Variants in ITGA6 observed in about 807,000 individuals in gnomAD.
ITGA6 encodes integrin alpha-6.
A neutral mutation model predicts 133.6 loss-of-function variants in ITGA6; 63 were observed. The ratio of observed to expected loss-of-function variants is 0.47; its 90% CI spans 0.38 to 0.58. The LOEUF is 0.58. Among genes scored for constraint, ITGA6 ranks in the 20% least tolerant of loss-of-function variants. ITGA6 has a pLI of 0.00. For missense variants in ITGA6, 1,068 were observed against 1,309.4 expected, an observed-to-expected ratio of 0.82 and a Z score of 2.85; for synonymous variants, 434 against 482.0, an observed-to-expected ratio of 0.90 and a Z score of 1.30.
chr2:172,483,756 C>T (rs1258538253), intron 11 of ITGA6, among the ~76,000 whole-genome samples: 4 of 152,106 alleles, frequency 2.6e-5, no homozygotes, highest in East Asian at 1.9e-4. Context: ...TTATGCTGAC[C>T]GACAGGCCCT....
Position 172,488,485 on chromosome 2 carries a change from A to G in ITGA6, c.2505+257A>G, listed in dbSNP as rs141434667. 4.1e-3 allele frequency among the ~76,000 whole-genome samples: 622 copies of G among 152,304 alleles called. 8 individuals are homozygous for G. The South Asian group carries it at 0.052, about 13-fold the overall frequency. ...GTTATGATTTATTCCTTCCTCCTTT[A>G]TAAGGTCATCTTTCTCACTGCTTGT... On this transcript the variant is annotated intron_variant, in intron 19 of 25. Coordinates refer to ENST00000684293, the MANE Select transcript of ITGA6 (RefSeq NM_000210.4).
At position 172,427,653 on chromosome 2, in the gene ITGA6, C is replaced by T; in HGVS notation, c.-136C>T. The stretch of plus-strand genomic sequence containing the variant: ...CGGCCGGACGGAGAGCGCGACCCGT[C>T]CCGGGGGTGGGGCCGGGCGCAGCGG... On this transcript the variant is annotated 5_prime_UTR_variant, in exon 1 of 26. Coordinates refer to ENST00000684293, the MANE Select transcript of ITGA6 (RefSeq NM_000210.4). 7.6e-7 allele frequency: 1 copy of T among 1,314,106 alleles called. No homozygotes were observed. Among genetic ancestry groups the T allele is most frequent in the Non-Finnish European group, 9.7e-7 (1 of 1,034,672 alleles). The allele number at this position is 1,314,106 out of a possible 1,614,324, so 81.4% of individuals were successfully genotyped here.
rs374953548 is a variant in ITGA6 at position 172,498,056 on chromosome 2, G to T, written c.3070G>T (p.Ala1024Ser). 6.2e-7 allele frequency: 1 copy of T among 1,613,272 alleles called. No individual in the cohort carries two copies. The highest frequency in any genetic ancestry group is 8.5e-7 in the Non-Finnish European group (1 of 1,179,338). The change falls in exon 24 of 26, where the codon GCT (alanine) becomes TCT (serine). Residue 1024 changes from alanine to serine, a missense_variant. Ala to Ser is a moderately conservative substitution (Grantham distance 99). Coordinates refer to ENST00000684293, the MANE Select transcript of ITGA6 (RefSeq NM_000210.4). ...PWWIILVAIL[A>S]GILMLALLVF... ...GTGGATCATCCTAGTGGCTATTCTC[G>T]CTGGGATCTTGATGCTTGCTTTATT...
intron 1 of ITGA6, chr2:172,465,242 G>GA (rs756682329): frequency 1.3e-5 from 6 of 467,852 alleles, no homozygotes; most frequent in African/African-American, 2.0e-5. Flanking sequence ...ATTCTTTGAA[G>GA]AGGGTGTCTT....
rs377301431 is a variant in ITGA6 at position 172,475,278 on chromosome 2, A to T, written c.1180+156A>T. ...AGGTCGGGAGTTCGAGACCAGCCTG[A>T]CCAACATGGAGAAACTAAAAATACA... is the stretch of plus-strand genomic sequence containing the variant. On this transcript the variant is annotated intron_variant, in intron 7 of 25. Transcript: ENST00000684293. Among the ~76,000 whole-genome samples, 205 of 152,182 alleles carry T rather than the reference A, an allele frequency of 1.3e-3. No homozygotes were observed. In the South Asian group the frequency reaches 0.017, roughly 13 times the overall value.
At chr2:172,460,157 A>G (rs1685373608) in intron 1 of ITGA6, among the ~76,000 whole-genome samples, 1 of 152,258 alleles carries the variant, frequency 6.6e-6, no homozygotes, top group Non-Finnish European at 1.5e-5. Context: ...GGAAAATCAG[A>G]ATACAGTTTG....
chr2:172,476,249 A>ACT lies in ITGA6; in HGVS notation c.1270-146_1270-145insCT, dbSNP rs55762116. 4,228 of 668,838 alleles carry ACT rather than the reference A, an allele frequency of 6.3e-3. 112 individuals are homozygous for ACT. In the African/African-American group the frequency reaches 0.068, roughly 11 times the overall value. The allele number at this position is 668,838 out of a possible 1,614,324, so 41.4% of individuals were successfully genotyped here. A position where few individuals can be genotyped will look rare whatever the true frequency, so the allele number is the denominator to read the frequency against. On this transcript the variant is annotated intron_variant, in intron 8 of 25. Transcript: ENST00000684293. ...TGTATGAAGTGTTAGATCATATAGA[A>ACT]ATTTATGACTTGTATATAATATAAT...
In ITGA6 at chr2:172,472,693, G is replaced by A. The variant is rs554035325; in HGVS notation, c.776-1362G>A. The A allele has an allele frequency of 1.0e-5, 9 of 882,320 alleles. No homozygotes were observed. In the East Asian group the frequency reaches 1.5e-4, roughly 14 times the overall value. 54.7% of individuals were successfully genotyped at this position (882,320 alleles called of 1,614,324 possible). A position where few individuals can be genotyped will look rare whatever the true frequency, so the allele number is the denominator to read the frequency against. On this transcript the variant is annotated intron_variant, in intron 5 of 25. Transcript: ENST00000684293. ...TGCAGTGGTGGCCTCCTCATCCAGC[G>A]AGAACAGCAGTGGCTGTCCTGCCTC...
chr2:172,427,702 G>C lies in ITGA6; in HGVS notation c.-87G>C, dbSNP rs1009299930. 7.3e-7 allele frequency: 1 copy of C among 1,378,306 alleles called. No individual in the cohort carries two copies. The highest frequency in any genetic ancestry group is 3.1e-5 in the East Asian group (1 of 32,100). 85.4% of individuals were successfully genotyped at this position (1,378,306 alleles called of 1,614,324 possible). ...GGCGAGAGGAGGCGAAGGTGGCTGC[G>C]GTAGCAGCAGCGCGGCAGCCTCGGA... On this transcript the variant is annotated 5_prime_UTR_variant, in exon 1 of 26. Coordinates refer to ENST00000684293, the MANE Select transcript of ITGA6 (RefSeq NM_000210.4).
At chr2:172,433,925 T>C (rs983900013) in intron 1 of ITGA6, among the ~76,000 whole-genome samples, 3 of 152,080 alleles carry the variant, frequency 2.0e-5, no homozygotes, top group Admixed American at 1.3e-4. Context: ...GTGAGCTGGA[T>C]ACCCATGGAG....
In ITGA6 at chr2:172,491,301, C is replaced by T. The variant is rs1235722501; in HGVS notation, c.2859C>T (p.Arg953=). Residue 953 remains arginine (R), a synonymous_variant, in exon 22 of 26, where the codon CGC becomes CGT. Transcript: ENST00000684293. The surrounding 1 kb of genome is among the most constrained non-coding windows in gnomAD (Gnocchi z 4.4). ...GLDSKASLIL[R]SRLWNSTFLE... is the part of the protein sequence containing the mutation. ...ACAGCAAGGCGTCTCTTATTTTGCG[C>T]TCGAGGTTATGGAACAGCACATTTC... is the stretch of plus-strand genomic sequence containing the variant. The T allele has an allele frequency of 6.2e-7, 1 of 1,611,840 alleles. No homozygotes were observed. Among genetic ancestry groups the T allele is most frequent in the African/African-American group, 1.3e-5 (1 of 74,878 alleles).
Position 172,504,176 on chromosome 2 carries a change from A to T in ITGA6, c.*108A>T, listed in dbSNP as rs1315910738. Reference sequence around the variant, plus strand: ...ATCCGGAAAGAAGAGCGAGAGATCAAAGATGAAAAGTATATTGATAACCTT... The same window carrying T: ...ATCCGGAAAGAAGAGCGAGAGATCATAGATGAAAAGTATATTGATAACCTT... On this transcript the variant is annotated 3_prime_UTR_variant, in exon 26 of 26. Transcript: ENST00000684293. 6.3e-7 allele frequency: 1 copy of T among 1,591,412 alleles called. No homozygotes were observed. The highest frequency in any genetic ancestry group is 8.6e-7 in the Non-Finnish European group (1 of 1,167,784).
intron 19 of ITGA6, 109 bp downstream of exon 19, chr2:172,488,337 TAAA>T: frequency 1.3e-6 from 1 of 790,258 alleles, no homozygotes. Flanking sequence ...GCATTGTAAG[TAAA>T]TCATGAGTTA....
Position 172,475,038 on chromosome 2 carries a change from C to A in ITGA6, c.1096C>A (p.Pro366Thr), listed in dbSNP as rs765521638. ...GCAAGGCAGATGGAATAATGTGAAG[C>A]CAATTCGTCTTAATGGAACCAAAGA... The part of the protein sequence containing the change: ...NQQGRWNNVK[P>T]IRLNGTKDSM... The change falls in exon 7 of 26, where the codon CCA becomes ACA. Residue 366 changes from proline (P) to threonine (T), a missense_variant. Pro to Thr is a conservative substitution (Grantham distance 38). Transcript: ENST00000684293. 6.2e-6 allele frequency: 10 copies of A among 1,606,296 alleles called. No homozygotes were observed. Among genetic ancestry groups the A allele is most frequent in the Admixed American group, 1.7e-5 (1 of 60,014 alleles).
intron 1 of ITGA6, among the ~76,000 whole-genome samples, chr2:172,434,890 C>CT (rs1275896060): frequency 2.0e-5 from 3 of 152,022 alleles, no homozygotes; most frequent in Non-Finnish European, 4.4e-5. Flanking sequence ...AAGGGGCACA[C>CT]TGGTTAGTTG....
At chr2:172,441,993 T>C (rs1372426800) in intron 1 of ITGA6, among the ~76,000 whole-genome samples, 1 of 152,224 alleles carries the variant, frequency 6.6e-6, no homozygotes, top group Non-Finnish European at 1.5e-5. Flanking sequence ...CCATCAAACT[T>C]GTCCAGATCT....
intron 1 of ITGA6, among the ~76,000 whole-genome samples, chr2:172,459,918 G>T (rs528586761): frequency 2.0e-5 from 3 of 152,262 alleles, no homozygotes; most frequent in East Asian, 1.9e-4. Context: ...CTGATTTAAC[G>T]CGGGTATGGC....
chr2:172,480,025 A>G lies in ITGA6; in HGVS notation c.1523A>G (p.Asn508Ser). 3 of 1,589,476 alleles carry G rather than the reference A, an allele frequency of 1.9e-6. No homozygotes were observed. The highest frequency in any genetic ancestry group is 1.7e-6 in the Non-Finnish European group (2 of 1,157,670). Residue 508 changes from asparagine to serine, a missense_variant, in exon 11 of 26, where the codon AAC (asparagine) becomes AGC (serine). Transcript: ENST00000684293. The part of the protein sequence containing the change: ...QVKSCFEYTA[N>S]PAGYNPSISI... ...AAATCCTGTTTTGAATATACTGCTA[A>G]CCCCGCTGGTTATAATCCTTCAATA...
In ITGA6 at chr2:172,445,619, A is replaced by C. The variant is rs556773445; in HGVS notation, c.182+17649A>C. On this transcript the variant is annotated intron_variant, in intron 1 of 25. Coordinates refer to ENST00000684293, the MANE Select transcript of ITGA6 (RefSeq NM_000210.4). ...AGCTGAGATTGCGCCACTGCTCTCC[A>C]GTCTGGGCGACAGAGTGAGACTCCG... 4.7e-5 allele frequency among the ~76,000 whole-genome samples: 7 copies of C among 148,868 alleles called. No homozygotes were observed. The South Asian group carries it at 1.5e-3, about 32-fold the overall frequency.
Sources: gnomAD v4.1 joint callset for allele counts (sites outside exome capture counted in the v4.1 genomes callset) on GRCh38, gnomAD v4.1.1 for gene constraint, Gnocchi (gnomAD v3.1) non-coding constraint, MANE v1.5 for transcripts, NCBI Gene and HGNC (gene_info 2026-07-23, HGNC 2026-07-21) for gene names.